Variants in SREBF2 observed in about 807,000 individuals in gnomAD.
SREBF2 encodes sterol regulatory element-binding protein 2.
SREBF2 carries 55 observed loss-of-function variants against 113.1 expected under a neutral mutation model. The ratio of observed to expected loss-of-function variants is 0.49; its 90% CI spans 0.39 to 0.61. The LOEUF (loss-of-function observed/expected upper bound fraction) is 0.61, where lower values mean the gene tolerates loss of function less well. Among genes scored for constraint, SREBF2 ranks in the 20% least tolerant of loss-of-function variants. SREBF2 has a pLI of 0.00. For synonymous variants in SREBF2, 593 were observed against 605.7 expected (o/e 0.98, Z 0.31); for missense variants, 1,349 against 1,487.4 (o/e 0.91, Z 1.53).
Position 41,875,310 on chromosome 22 carries a change from T to C in SREBF2, c.1090-27T>C, listed in dbSNP as rs760743096. 2.5e-6 allele frequency: 4 copies of C among 1,593,740 alleles called. No individual in the cohort carries two copies. In the Admixed American group the frequency reaches 6.7e-5, roughly 27 times the overall value. ...ACACTGTAGCCTGCACTGGTCTCAC[T>C]GTGTTTTCACTCATCTTCCTACCCA... On this transcript the variant is annotated intron_variant, in intron 5 of 18. Coordinates refer to ENST00000361204, the MANE Select transcript of SREBF2 (RefSeq NM_004599.4).
At chr22:41,888,412 A>C (rs1318112676) in intron 11 of SREBF2, among the ~76,000 whole-genome samples, 1 of 152,214 alleles carries the variant, frequency 6.6e-6, no homozygotes, top group African/African-American at 2.4e-5. Flanking sequence ...CTGCTGCACC[A>C]AGTGGCACCT....
At chr22:41,889,701 TA>T (rs67272666) in intron 11 of SREBF2, among the ~76,000 whole-genome samples, 98,700 of 138,994 alleles carry the variant, frequency 0.71, 34,089 homozygotes, top group East Asian at 0.87. Flanking sequence ...ATGTCTCTAT[TA>T]AAAAAAAAAA....
intron 16 of SREBF2, among the ~76,000 whole-genome samples, chr22:41,902,227 C>T (rs574324165): frequency 2.4e-4 from 36 of 152,318 alleles, no homozygotes; most frequent in Non-Finnish European, 4.1e-4. Context: ...CCTCACTGCT[C>T]GGTGTCGTGC....
chr22:41,894,096 C>T (rs2077389329), intron 12 of SREBF2, among the ~76,000 whole-genome samples: 1 of 152,080 alleles, frequency 6.6e-6, no homozygotes, highest in Non-Finnish European at 1.5e-5. Flanking sequence ...ATCTTTCTAC[C>T]CCACCCCTGC....
chr22:41,870,436 C>A (rs1490581592), intron 3 of SREBF2, among the ~76,000 whole-genome samples: 1 of 151,956 alleles, frequency 6.6e-6, no homozygotes, highest in Non-Finnish European at 1.5e-5. Flanking sequence ...CCAGCCTGGG[C>A]AACATGGTGA....
chr22:41,864,249 T>C (rs1361636289), intron 1 of SREBF2, among the ~76,000 whole-genome samples: 1 of 96,798 alleles, frequency 1.0e-5, no homozygotes, highest in African/African-American at 4.2e-5. Flanking sequence ...TATATATATA[T>C]ATATATATAT....
At chr22:41,878,748 C>T in intron 9 of SREBF2, 2 of 1,304,124 alleles carry the variant, frequency 1.5e-6, no homozygotes, top group Non-Finnish European at 2.0e-6. Flanking sequence ...CCAGAACACT[C>T]CTCAGCAGCA....
At chr22:41,900,223 ACATGT>A (rs1260954381) in intron 15 of SREBF2, 102 bp from the exon 16 acceptor site, 34 of 1,549,470 alleles carry the variant, frequency 2.2e-5, no homozygotes, top group Non-Finnish European at 2.7e-5. Flanking sequence ...CAACAGATGC[ACATGT>A]CATATCAGTG....
chr22:41,906,732 A>T lies in SREBF2; in HGVS notation c.*1072A>T, dbSNP rs2077512522. 1 of 152,216 alleles carries T rather than the reference A, an allele frequency of 6.6e-6. No homozygotes were observed. The highest frequency in any genetic ancestry group is 1.5e-5 in the Non-Finnish European group (1 of 68,038). 9.4% of individuals were successfully genotyped at this position (152,216 alleles called of 1,614,324 possible). ...CTAATTAATTCTTGAGCTGAAAATA[A>T]ATAAACCAGGATGGCAGGGACCAAC... On this transcript the variant is annotated 3_prime_UTR_variant, in exon 19 of 19. Transcript: ENST00000361204.
At position 41,867,110 on chromosome 22, in the gene SREBF2, C is replaced by G; in HGVS notation, c.368C>G (p.Thr123Ser). ...QVKVSPTSVPTTPRATPILQP... is the reference protein window; with the variant it reads ...QVKVSPTSVPSTPRATPILQP... Reference sequence around the variant, plus strand: ...AAGGTTTCTCCCACCTCAGTTCCCACCACACCCAGGGCAACTCCTATTCTT... The same window carrying G: ...AAGGTTTCTCCCACCTCAGTTCCCAGCACACCCAGGGCAACTCCTATTCTT... The change falls in exon 2 of 19, where the codon ACC becomes AGC. Residue 123 changes from threonine to serine, a missense_variant. By Grantham distance (58) the Thr-to-Ser change is moderately conservative. Coordinates refer to ENST00000361204, the MANE Select transcript of SREBF2 (RefSeq NM_004599.4). 1 of 1,614,236 alleles carries G rather than the reference C, an allele frequency of 6.2e-7. No homozygotes were observed. The highest frequency in any genetic ancestry group is 8.5e-7 in the Non-Finnish European group (1 of 1,180,050).
intron 1 of SREBF2, among the ~76,000 whole-genome samples, chr22:41,861,396 TG>T (rs2077026174): frequency 6.6e-6 from 1 of 151,936 alleles, no homozygotes. Flanking sequence ...ACCGGGAGGC[TG>T]AGGCAGGAGA....
rs1020297111 is a variant in SREBF2, at chr22:41,833,723, C to A, written c.88+365C>A. 2 of 187,570 alleles carry A rather than the reference C, an allele frequency of 1.1e-5. No homozygotes were observed. The highest frequency in any genetic ancestry group is 4.7e-5 in the African/African-American group (2 of 42,740). The allele number at this position is 187,570 out of a possible 1,614,324, so 11.6% of individuals were successfully genotyped here. A position where few individuals can be genotyped will look rare whatever the true frequency, so the allele number is the denominator to read the frequency against. On this transcript the variant is annotated intron_variant, in intron 1 of 18. Transcript: ENST00000361204. The surrounding 1 kb of genome is among the most constrained non-coding windows in gnomAD (Gnocchi z 4.1). ...ACGCGGTTTCCGTGGTCCGCTCTCC[C>A]GCCGCCCGCGACCGCGCGTCGCACC...
At chr22:41,869,265 C>T (rs528715350) in intron 3 of SREBF2, among the ~76,000 whole-genome samples, 9 of 150,474 alleles carry the variant, frequency 6.0e-5, no homozygotes, top group East Asian at 3.9e-4. Flanking sequence ...CCACCACACC[C>T]GGCTAATTTT....
At chr22:41,878,431 C>G (rs969313315) in intron 9 of SREBF2, among the ~76,000 whole-genome samples, 1 of 152,034 alleles carries the variant, frequency 6.6e-6, no homozygotes, top group Non-Finnish European at 1.5e-5. Context: ...CCTTCCAACC[C>G]GAACACATGA....
chr22:41,861,312 T>A (rs769064628), intron 1 of SREBF2, among the ~76,000 whole-genome samples: 1 of 151,944 alleles, frequency 6.6e-6, no homozygotes, highest in Non-Finnish European at 1.5e-5. Context: ...TGAAACCCCC[T>A]CTCTACTAAA....
Position 41,875,442 on chromosome 22 carries a change from CAAA to C in SREBF2, c.1197_1199del (p.Lys400del). On this transcript the variant is annotated inframe_deletion, in exon 6 of 19. Coordinates refer to ENST00000361204, the MANE Select transcript of SREBF2 (RefSeq NM_004599.4). ...GAACATGGTGCTGAAGCTGGCAAAT[CAAA>C]AGAACAGTAAGTGTGCTGAGAAAAG... 1.2e-6 allele frequency: 2 copies of C among 1,614,218 alleles called. No homozygotes were observed. Among genetic ancestry groups the C allele is most frequent in the Non-Finnish European group, 1.7e-6 (2 of 1,180,040 alleles).
intron 1 of SREBF2, among the ~76,000 whole-genome samples, chr22:41,843,054 CTG>C (rs1364693340): frequency 3.3e-5 from 5 of 152,130 alleles, no homozygotes; most frequent in African/African-American, 7.2e-5. Flanking sequence ...TAAGTATACT[CTG>C]TGATGTTTGC....
Position 41,877,256 on chromosome 22 carries a change from G to C in SREBF2, c.1414G>C (p.Val472Leu). The C allele has an allele frequency of 6.2e-7, 1 of 1,614,210 alleles. No individual in the cohort carries two copies. The highest frequency in any genetic ancestry group is 8.5e-7 in the Non-Finnish European group (1 of 1,180,050). Residue 472 changes from valine to leucine, a missense_variant, in exon 8 of 19, where the codon GTG (valine) becomes CTG (leucine). Physicochemically the swap from Val to Leu is conservative, Grantham distance 32 (BLOSUM62 1). This residue lies in a region of SREBF2 where 699 missense variants were observed against 843.3 expected (regional missense o/e 0.83). Transcript: ENST00000361204. Reference protein sequence around the residue: ...KVKDEPDSPPVALGMVDRSRI... With the variant: ...KVKDEPDSPPLALGMVDRSRI... ...CAAAGATGAGCCAGACTCTCCTCCT[G>C]TGGCGCTGGGCATGGTAGACCGCTC...
intron 1 of SREBF2, among the ~76,000 whole-genome samples, chr22:41,861,957 A>G (rs1309091716): frequency 6.6e-6 from 1 of 152,186 alleles, no homozygotes; most frequent in African/African-American, 2.4e-5. Flanking sequence ...GTCTAACACA[A>G]GGTGCATAAT....
Sources: gnomAD v4.1 joint callset for allele counts (sites outside exome capture counted in the v4.1 genomes callset) on GRCh38, gnomAD v4.1.1 for gene constraint, gnomAD v4.1.1 regional missense constraint, Gnocchi (gnomAD v3.1) non-coding constraint, MANE v1.5 for transcripts, NCBI Gene and HGNC (gene_info 2026-07-23, HGNC 2026-07-21) for gene names.